The following GMDS variants were observed in gnomAD, a reference collection of about 807,000 sequenced individuals.
GMDS encodes GDP-mannose 4,6-dehydratase.
In GMDS, 20 loss-of-function variants were observed where a neutral mutation model predicts 49.9. That is an observed-to-expected ratio of 0.40 (90% CI 0.28 to 0.58). The LOEUF (loss-of-function observed/expected upper bound fraction) is 0.58, where lower values mean the gene tolerates loss of function less well. Ranked by LOEUF, GMDS falls within the 20% of genes least tolerant of loss-of-function variation. GMDS has a pLI of 0.42. For synonymous variants in GMDS, 177 were observed against 178.6 expected (o/e 0.99, Z 0.07); for missense variants, 362 against 481.4 (o/e 0.75, Z 2.32).
intron 7 of GMDS, among the ~76,000 whole-genome samples, chr6:1,852,724 C>T (rs1757738545): frequency 7.0e-6 from 1 of 143,582 alleles, no homozygotes; most frequent in Non-Finnish European, 1.5e-5. Context: ...TTTTTTTTTC[C>T]CGAGATGGAG....
intron 4 of GMDS, among the ~76,000 whole-genome samples, chr6:2,039,184 G>C (rs2127425465): frequency 6.6e-6 from 1 of 152,292 alleles, no homozygotes; most frequent in South Asian, 2.1e-4. Flanking sequence ...GAAAAGTACA[G>C]TAAAAGTACA....
At chr6:1,671,313 C>T (rs1016509994) in intron 9 of GMDS, among the ~76,000 whole-genome samples, 1 of 152,192 alleles carries the variant, frequency 6.6e-6, no homozygotes, top group South Asian at 2.1e-4. Flanking sequence ...TCTCACTCGA[C>T]GCCCTGTTTA....
chr6:1,817,562 T>TG (rs1424403390), intron 7 of GMDS, among the ~76,000 whole-genome samples: 2 of 152,246 alleles, frequency 1.3e-5, no homozygotes, highest in Non-Finnish European at 2.9e-5. Flanking sequence ...GAAGTAGTTA[T>TG]GGTTTACTTT....
chr6:1,755,305 G>A (rs1338438779), intron 7 of GMDS, among the ~76,000 whole-genome samples: 1 of 152,062 alleles, frequency 6.6e-6, no homozygotes, highest in Non-Finnish European at 1.5e-5. Context: ...AAATACCTAG[G>A]AATACAACTT....
chr6:2,232,800 G>A lies in GMDS; in HGVS notation c.102+12521C>T, dbSNP rs140860460. Among the ~76,000 whole-genome samples, 76 of 152,236 alleles carry A rather than the reference G, an allele frequency of 5.0e-4. 1 individual carries two copies. The highest frequency in any genetic ancestry group is 1.7e-3 in the African/African-American group (72 of 41,544). On this transcript the variant is annotated intron_variant, in intron 1 of 10. Transcript: ENST00000380815. ...GACTGGATGCTCATGCACATCTCAG[G>A]CCTCCAGATGCCCGCGACCTTCTCC...
At chr6:1,813,292 A>G (rs1487813476) in intron 7 of GMDS, among the ~76,000 whole-genome samples, 3 of 151,776 alleles carry the variant, frequency 2.0e-5, no homozygotes, top group Non-Finnish European at 2.9e-5. Flanking sequence ...TTAAGAATCA[A>G]TATGTTTTCA....
chr6:1,815,221 C>T (rs914771330), intron 7 of GMDS, among the ~76,000 whole-genome samples: 4 of 104,664 alleles, frequency 3.8e-5, no homozygotes, highest in African/African-American at 1.7e-4. Flanking sequence ...AATTCATCTA[C>T]CGAAAAAAAT....
intron 7 of GMDS, among the ~76,000 whole-genome samples, chr6:1,928,604 T>C (rs942334542): frequency 3.3e-4 from 50 of 152,228 alleles, no homozygotes; most frequent in African/African-American, 1.2e-3. Context: ...TTTGATGTGA[T>C]GTTCTGAAAA....
intron 4 of GMDS, among the ~76,000 whole-genome samples, chr6:2,070,533 G>A (rs1162413407): frequency 6.6e-6 from 1 of 152,208 alleles, no homozygotes; most frequent in Non-Finnish European, 1.5e-5. Context: ...CAAGAGCTGG[G>A]GCTGGAAATG....
intron 4 of GMDS, among the ~76,000 whole-genome samples, chr6:2,081,933 C>T (rs931943291): frequency 3.3e-5 from 5 of 152,060 alleles, no homozygotes; most frequent in Non-Finnish European, 7.4e-5. Flanking sequence ...CTTCCAGGAG[C>T]GTGTAAGCAA....
intron 7 of GMDS, among the ~76,000 whole-genome samples, chr6:1,868,223 G>A (rs1424866292): frequency 2.0e-5 from 3 of 152,104 alleles, no homozygotes; most frequent in East Asian, 1.9e-4. Flanking sequence ...CTGACCTTGT[G>A]ACCTGCCTGC....
intron 9 of GMDS, among the ~76,000 whole-genome samples, chr6:1,657,166 T>G (rs968779874): frequency 1.3e-5 from 2 of 152,192 alleles, no homozygotes; most frequent in Admixed American, 6.5e-5. Context: ...AAGAGATCTT[T>G]GATGCCACTA....
intron 7 of GMDS, among the ~76,000 whole-genome samples, chr6:1,748,519 T>A (rs976115943): frequency 1.8e-4 from 27 of 152,240 alleles, no homozygotes; most frequent in African/African-American, 6.3e-4. Flanking sequence ...AAGGGTTTTT[T>A]TCTCTTCCAT....
At chr6:1,624,268 GC>G in intron 10 of GMDS, 37 bp from the exon 11 acceptor site, 1 of 1,591,294 alleles carries the variant, frequency 6.3e-7, no homozygotes. Flanking sequence ...AGGAGCTTCT[GC>G]CACTCTCTCC....
At chr6:2,123,747 T>C (rs1205918644) in intron 2 of GMDS, among the ~76,000 whole-genome samples, 1 of 152,244 alleles carries the variant, frequency 6.6e-6, no homozygotes, top group Non-Finnish European at 1.5e-5. Flanking sequence ...TTCATATAAT[T>C]ACAAAATGTA....
At chr6:2,135,135 C>T (rs1057043859) in intron 1 of GMDS, among the ~76,000 whole-genome samples, 1 of 152,080 alleles carries the variant, frequency 6.6e-6, no homozygotes, top group South Asian at 2.1e-4. Context: ...AAAATAAAAA[C>T]GTTTCAACCA....
intron 1 of GMDS, chr6:2,176,112 C>A (rs186930928): frequency 8.3e-6 from 6 of 722,674 alleles, no homozygotes; most frequent in East Asian, 2.8e-5. Flanking sequence ...GTCCAGCCCC[C>A]CTTCTACAAC....
At chr6:2,148,542 T>C in intron 1 of GMDS, among the ~76,000 whole-genome samples, 1 of 152,192 alleles carries the variant, frequency 6.6e-6, no homozygotes, top group Non-Finnish European at 1.5e-5. Flanking sequence ...TGCCTCAGCC[T>C]CTCAAGTAGC....
chr6:2,072,648 T>C (rs905644462), intron 4 of GMDS, among the ~76,000 whole-genome samples: 1 of 152,168 alleles, frequency 6.6e-6, no homozygotes, highest in Non-Finnish European at 1.5e-5. Context: ...GGACAAGCAG[T>C]AGATCCTTCA....
Sources: allele counts gnomAD v4.1 joint callset (sites outside exome capture counted in the v4.1 genomes callset), GRCh38; gene constraint gnomAD v4.1.1; transcripts MANE v1.5; gene names NCBI Gene and HGNC (gene_info 2026-07-23, HGNC 2026-07-21).